The following VWA8 variants were observed in gnomAD, a reference collection of about 807,000 sequenced individuals.
VWA8 encodes the protein von Willebrand factor A domain containing 8.
In VWA8, 221 loss-of-function variants were observed where a neutral mutation model predicts 241.5. That is an observed-to-expected ratio of 0.91 (90% confidence interval 0.82 to 1.02). The LOEUF (loss-of-function observed/expected upper bound fraction) is 1.02. Ranked by LOEUF, VWA8 falls within the 50% of genes least tolerant of loss-of-function variation. The pLI is 0.00. For missense variants in VWA8, 2,322 were observed against 2,328.7 expected, an observed-to-expected ratio of 1.00 and a Z score of 0.06; for synonymous variants, 852 against 827.1, an observed-to-expected ratio of 1.03 and a Z score of -0.52.
chr13:41,803,058 C>T, intron 17 of VWA8, among the ~76,000 whole-genome samples: 1 of 152,228 alleles, frequency 6.6e-6, no homozygotes, highest in East Asian at 1.9e-4. Context: ...CCCAAGACCA[C>T]CAATGTGGTA....
intron 17 of VWA8, among the ~76,000 whole-genome samples, chr13:41,795,459 G>C (rs1869648613): frequency 6.6e-6 from 1 of 152,098 alleles, no homozygotes. Context: ...CATGCCCAAA[G>C]GAATATAAAT....
At chr13:41,936,082 G>A (rs1566045094) in intron 2 of VWA8, among the ~76,000 whole-genome samples, 1 of 152,052 alleles carries the variant, frequency 6.6e-6, no homozygotes, top group Non-Finnish European at 1.5e-5. Context: ...GTCAGAAGAT[G>A]TACTTTTTAT....
intron 14 of VWA8, among the ~76,000 whole-genome samples, chr13:41,829,940 T>C (rs547284212): frequency 6.6e-6 from 1 of 152,074 alleles, no homozygotes; most frequent in Admixed American, 6.5e-5. Context: ...AATAAAAAAT[T>C]TTTTTAAAAA....
At chr13:41,913,015 G>A (rs1876084112) in intron 2 of VWA8, among the ~76,000 whole-genome samples, 1 of 151,876 alleles carries the variant, frequency 6.6e-6, no homozygotes, top group Admixed American at 6.6e-5. Flanking sequence ...AATAAAACTG[G>A]AGACAGAACA....
intron 42 of VWA8, among the ~76,000 whole-genome samples, chr13:41,578,572 C>T (rs1456260715): frequency 6.6e-6 from 1 of 152,126 alleles, no homozygotes. Context: ...CATTCATTTC[C>T]ATTTGCTAAC....
At chr13:41,933,564 T>C (rs946241276) in intron 2 of VWA8, among the ~76,000 whole-genome samples, 14 of 152,128 alleles carry the variant, frequency 9.2e-5, no homozygotes, top group South Asian at 2.1e-4. Flanking sequence ...TCCAGACTAA[T>C]TGTAAAGCTA....
intron 40 of VWA8, among the ~76,000 whole-genome samples, chr13:41,594,890 A>C (rs1449146477): frequency 6.6e-6 from 1 of 152,236 alleles, no homozygotes; most frequent in Non-Finnish European, 1.5e-5. Context: ...TAAGATTTAC[A>C]AAGGCAAGAT....
At chr13:41,847,687 C>T (rs747396585) in intron 12 of VWA8, among the ~76,000 whole-genome samples, 1 of 152,144 alleles carries the variant, frequency 6.6e-6, no homozygotes, top group Non-Finnish European at 1.5e-5. Context: ...TTTCAAAGAT[C>T]CTTGAGTGGT....
At chr13:41,592,470 TA>T (rs961701969) in intron 40 of VWA8, among the ~76,000 whole-genome samples, 9 of 119,088 alleles carry the variant, frequency 7.6e-5, no homozygotes, top group Non-Finnish European at 1.1e-4. Flanking sequence ...AGTATAATAA[TA>T]AAAAAAATAA....
At chr13:41,788,827 C>T (rs2137944976) in intron 17 of VWA8, among the ~76,000 whole-genome samples, 1 of 152,292 alleles carries the variant, frequency 6.6e-6, no homozygotes, top group East Asian at 1.9e-4. Flanking sequence ...TGACTATTTT[C>T]AGGCTTAGAC....
At chr13:41,841,854 T>G in intron 12 of VWA8, among the ~76,000 whole-genome samples, 1 of 65,108 alleles carries the variant, frequency 1.5e-5, no homozygotes, top group African/African-American at 7.1e-5. Flanking sequence ...TATATATATA[T>G]ATATAAAAAC....
chr13:41,571,693 C>G (rs905481600), intron 43 of VWA8, among the ~76,000 whole-genome samples: 3 of 152,196 alleles, frequency 2.0e-5, no homozygotes, highest in African/African-American at 4.8e-5. Flanking sequence ...GATCTCGGCT[C>G]GCTGCAACCT....
chr13:41,635,298 T>C (rs1048334634), intron 37 of VWA8, among the ~76,000 whole-genome samples: 1 of 152,042 alleles, frequency 6.6e-6, no homozygotes, highest in Non-Finnish European at 1.5e-5. Flanking sequence ...TGAATGTCTA[T>C]GGTTGAAGTA....
intron 24 of VWA8, among the ~76,000 whole-genome samples, chr13:41,725,376 G>C (rs936892851): frequency 2.0e-5 from 3 of 152,110 alleles, no homozygotes; most frequent in Admixed American, 6.6e-5. Flanking sequence ...AAAATCCCAA[G>C]GACAATTGAG....
chr13:41,684,319 A>C (rs1048552883), intron 35 of VWA8, among the ~76,000 whole-genome samples: 3 of 152,104 alleles, frequency 2.0e-5, no homozygotes, highest in African/African-American at 7.2e-5. Flanking sequence ...TATAGACACA[A>C]GATAATATAT....
In VWA8 at chr13:41,783,874, A is replaced by G. The variant is rs928959610; in HGVS notation, c.2198T>C (p.Ile733Thr). Reference protein sequence around the residue: ...KCEVTSGTLRIGAVSAPIYNA... With the variant: ...KCEVTSGTLRTGAVSAPIYNA... ...ATAGATCGGTGCACTAACAGCACCA[A>G]TCCTCAGAGTTCCAGATGTTACTTC... Residue 733 changes from isoleucine to threonine, a missense_variant, in exon 19 of 45, where the codon ATT (isoleucine) becomes ACT (threonine). Ile to Thr is a moderately conservative substitution (Grantham distance 89, BLOSUM62 -1). Transcript: ENST00000379310. 52 of 1,613,672 alleles carry G rather than the reference A, an allele frequency of 3.2e-5. No homozygotes were observed. Among genetic ancestry groups the G allele is most frequent in the African/African-American group, 6.7e-5 (5 of 74,916 alleles).
chr13:41,826,740 G>A (rs775727657), intron 14 of VWA8, among the ~76,000 whole-genome samples: 14 of 152,084 alleles, frequency 9.2e-5, no homozygotes, highest in Non-Finnish European at 2.1e-4. Flanking sequence ...CGGGTGTGGC[G>A]ATGCGCAACT....
chr13:41,734,007 G>C (rs112349593), intron 21 of VWA8, among the ~76,000 whole-genome samples: 476 of 152,292 alleles, frequency 3.1e-3, no homozygotes, highest in African/African-American at 9.9e-3. Context: ...TCTAGTAAAT[G>C]TTGGGTCAGA....
intron 18 of VWA8, among the ~76,000 whole-genome samples, chr13:41,785,563 T>C (rs1251383368): frequency 1.3e-5 from 2 of 152,164 alleles, no homozygotes; most frequent in African/African-American, 4.8e-5. Context: ...CTTTTGCTTC[T>C]ATGGAGTGCT....
Sources: gnomAD v4.1 joint callset for allele counts (sites outside exome capture counted in the v4.1 genomes callset) on GRCh38, gnomAD v4.1.1 for gene constraint, MANE v1.5 for transcripts, NCBI Gene and HGNC (gene_info 2026-07-23, HGNC 2026-07-21) for gene names.